The following SMURF1 variants were observed in gnomAD, a reference collection of about 807,000 sequenced individuals.
SMURF1 encodes E3 ubiquitin-protein ligase SMURF1.
Under a neutral mutation model 98.0 loss-of-function variants are expected in SMURF1, and 44 were observed. The observed-to-expected ratio is 0.45, with a 90% confidence interval of 0.35 to 0.58. SMURF1 has a LOEUF of 0.58. SMURF1 is among the 20% of genes least tolerant of loss of function. The pLI, the probability that SMURF1 is intolerant of heterozygous loss-of-function variation, is 0.00. For synonymous variants in SMURF1, 396 were observed against 374.9 expected (o/e 1.06, Z -0.65); for missense variants, 687 against 938.4 (o/e 0.73, Z 3.50).
intron 1 of SMURF1, among the ~76,000 whole-genome samples, chr7:99,125,222 G>A (rs1797719224): frequency 6.6e-6 from 1 of 152,114 alleles, no homozygotes. Context: ...GGAACTACAA[G>A]CATGCACCAC....
chr7:99,056,949 G>A (rs1273916220), intron 5 of SMURF1, among the ~76,000 whole-genome samples: 3 of 130,450 alleles, frequency 2.3e-5, no homozygotes, highest in Non-Finnish European at 4.6e-5. Context: ...GTTGAGGTGA[G>A]CTGAGATCTC....
At chr7:99,141,012 C>T (rs909147574) in intron 1 of SMURF1, among the ~76,000 whole-genome samples, 1 of 152,138 alleles carries the variant, frequency 6.6e-6, no homozygotes, top group Non-Finnish European at 1.5e-5. Flanking sequence ...TGCATGTGTA[C>T]CATTACCGCT....
At chr7:99,040,261 T>G (rs1795322149) in intron 13 of SMURF1, 117 bp downstream of exon 13, 6 of 1,109,058 alleles carry the variant, frequency 5.4e-6, no homozygotes, top group Non-Finnish European at 6.0e-6. Flanking sequence ...TATAATACAA[T>G]GGCTTCACAC....
chr7:99,075,447 A>G (rs1400624476), intron 1 of SMURF1, among the ~76,000 whole-genome samples: 2 of 152,166 alleles, frequency 1.3e-5, no homozygotes, highest in African/African-American at 4.8e-5. Context: ...GGAACCCCCG[A>G]TTTATTTATT....
At chr7:99,032,538 G>T (rs1344362749) in intron 17 of SMURF1, among the ~76,000 whole-genome samples, 1 of 152,132 alleles carries the variant, frequency 6.6e-6, no homozygotes, top group Admixed American at 6.6e-5. Context: ...GTGTGGTGGC[G>T]TGCGCCTGTA....
chr7:99,125,423 C>A (rs1295733267), intron 1 of SMURF1, among the ~76,000 whole-genome samples: 1 of 152,226 alleles, frequency 6.6e-6, no homozygotes, highest in African/African-American at 2.4e-5. Flanking sequence ...TTTTAAAGAA[C>A]CTTTGTAAAG....
intron 8 of SMURF1, chr7:99,050,998 G>T (rs1161172059): frequency 1.3e-6 from 2 of 1,549,614 alleles, no homozygotes; most frequent in African/African-American, 2.7e-5. Context: ...AGGGACTGAG[G>T]CAATGGGGAC....
At chr7:99,143,667 G>T in intron 1 of SMURF1, 59 bp downstream of exon 1, 1 of 1,456,020 alleles carries the variant, frequency 6.9e-7, no homozygotes, top group East Asian at 2.9e-5. Flanking sequence ...CGCCCTGCGG[G>T]GAATTCCGGG....
intron 1 of SMURF1, among the ~76,000 whole-genome samples, chr7:99,080,369 G>A (rs942954043): frequency 3.9e-5 from 6 of 152,156 alleles, no homozygotes; most frequent in Admixed American, 2.0e-4. Context: ...GCGCGATCCC[G>A]GCTCACTGCA....
At chr7:99,042,335 A>C in intron 11 of SMURF1, 103 bp from the exon 12 acceptor site, 1 of 725,398 alleles carries the variant, frequency 1.4e-6, no homozygotes, top group Non-Finnish European at 2.3e-6. Flanking sequence ...GCTGGAGTGC[A>C]GTGGCATGAT....
chr7:99,045,148 C>CAA (rs796911489), intron 11 of SMURF1, among the ~76,000 whole-genome samples: 1 of 141,814 alleles, frequency 7.1e-6, no homozygotes, highest in African/African-American at 2.6e-5. Flanking sequence ...CAAAAAAGAC[C>CAA]AAAAAAAAAA....
chr7:99,091,755 C>T (rs1357501378), intron 1 of SMURF1, among the ~76,000 whole-genome samples: 1 of 152,052 alleles, frequency 6.6e-6, no homozygotes, highest in Non-Finnish European at 1.5e-5. Flanking sequence ...ATTACTCTGC[C>T]CTAATGTCTC....
chr7:99,032,722 A>G lies in SMURF1; in HGVS notation c.2096+315T>C, dbSNP rs962052899. The stretch of plus-strand genomic sequence containing the variant: ...TATATTTAAATTTTAGGTTATATAT[A>G]CTGTAAGAAAGATGTATGTTAAGTT... On this transcript the variant is annotated intron_variant, in intron 17 of 17. Coordinates refer to ENST00000361368, the MANE Select transcript of SMURF1 (RefSeq NM_181349.3). Among the ~76,000 whole-genome samples the G allele has an allele frequency of 3.3e-5, 5 of 152,208 alleles. 1 individual carries two copies. Among genetic ancestry groups the G allele is most frequent in the Admixed American group, 6.5e-5 (1 of 15,282 alleles).
intron 5 of SMURF1, 145 bp from the exon 6 acceptor site, chr7:99,055,010 C>A: frequency 4.5e-6 from 3 of 664,690 alleles, no homozygotes; most frequent in South Asian, 3.6e-5. Context: ...TATTCCTATG[C>A]TTTCCAATAC....
intron 5 of SMURF1, 102 bp downstream of exon 5, chr7:99,057,103 G>T: frequency 1.6e-6 from 2 of 1,242,248 alleles, no homozygotes; most frequent in Non-Finnish European, 2.4e-6. Context: ...GTCCTCTGAG[G>T]CCCGTCAGCA....
intron 14 of SMURF1, among the ~76,000 whole-genome samples, chr7:99,037,954 G>A (rs118116555): frequency 3.9e-5 from 6 of 152,200 alleles, no homozygotes; most frequent in Middle Eastern, 3.2e-3. Context: ...GCACACAGAC[G>A]TGCCCACATA....
At chr7:99,075,336 G>C (rs1363836882) in intron 1 of SMURF1, among the ~76,000 whole-genome samples, 1 of 152,066 alleles carries the variant, frequency 6.6e-6, no homozygotes, top group Non-Finnish European at 1.5e-5. Context: ...TGCTCAGGCT[G>C]GGCTTGAACT....
chr7:99,065,059 C>A (rs1289658908), intron 1 of SMURF1, among the ~76,000 whole-genome samples: 1 of 151,304 alleles, frequency 6.6e-6, no homozygotes, highest in Non-Finnish European at 1.5e-5. Context: ...CATATTTATC[C>A]CTTTATTAAG....
chr7:99,107,655 T>C (rs143733326), intron 1 of SMURF1, among the ~76,000 whole-genome samples: 4 of 152,262 alleles, frequency 2.6e-5, no homozygotes, highest in Non-Finnish European at 5.9e-5. Flanking sequence ...GATCTTTCTG[T>C]CCTATTTGCA....
Sources: gnomAD v4.1 joint callset for allele counts (sites outside exome capture counted in the v4.1 genomes callset) on GRCh38, gnomAD v4.1.1 for gene constraint, MANE v1.5 for transcripts, NCBI Gene and HGNC (gene_info 2026-07-23, HGNC 2026-07-21) for gene names.